Variants in ATF7IP observed in about 807,000 individuals in gnomAD.
The protein encoded by ATF7IP is activating transcription factor 7-interacting protein 1.
In ATF7IP, 23 loss-of-function variants were observed where a neutral mutation model predicts 106.4. That is an observed-to-expected ratio of 0.22 (90% CI 0.16 to 0.31). The LOEUF (loss-of-function observed/expected upper bound fraction) is 0.31. ATF7IP is among the 10% of genes least tolerant of loss of function. The probability of loss-of-function intolerance (pLI) is 1.00; values close to 1 mark genes in which losing one functional copy is unlikely to be tolerated. For missense variants in ATF7IP, 1,334 were observed against 1,524.3 expected, an observed-to-expected ratio of 0.88 and a Z score of 2.08; for synonymous variants, 542 against 539.0, an observed-to-expected ratio of 1.01 and a Z score of -0.08.
chr12:14,457,911 A>G (rs1943491223), intron 8 of ATF7IP, among the ~76,000 whole-genome samples: 1 of 152,038 alleles, frequency 6.6e-6, no homozygotes, highest in Non-Finnish European at 1.5e-5. Context: ...CCTGTCCAAC[A>G]TGGTGAAACC....
intron 1 of ATF7IP, among the ~76,000 whole-genome samples, chr12:14,375,904 A>G (rs1161045839): frequency 6.6e-6 from 1 of 152,228 alleles, no homozygotes; most frequent in African/African-American, 2.4e-5. Context: ...TTCTGGAGCT[A>G]GAATGTAAAT....
intron 6 of ATF7IP, among the ~76,000 whole-genome samples, chr12:14,451,778 G>A (rs1354215844): frequency 2.6e-5 from 4 of 152,044 alleles, no homozygotes; most frequent in East Asian, 1.9e-4. Flanking sequence ...TGTGACATGC[G>A]ACCTATCCAT....
At chr12:14,453,203 G>T (rs1293293326) in intron 6 of ATF7IP, among the ~76,000 whole-genome samples, 1 of 151,154 alleles carries the variant, frequency 6.6e-6, no homozygotes, top group African/African-American at 2.4e-5. Context: ...GTTAACAATA[G>T]TTGGAGGTCT....
At chr12:14,473,759 G>T (rs999798026) in intron 10 of ATF7IP, among the ~76,000 whole-genome samples, 4 of 148,790 alleles carry the variant, frequency 2.7e-5, no homozygotes, top group South Asian at 4.2e-4. Context: ...TGTATCTTTT[G>T]TCTCCTTTTT....
chr12:14,439,588 T>C (rs768820351), intron 5 of ATF7IP, among the ~76,000 whole-genome samples: 9 of 152,174 alleles, frequency 5.9e-5, no homozygotes, highest in African/African-American at 1.7e-4. Context: ...CTCAGCACTT[T>C]AGGAGGCTGA....
rs535830368 is a variant in ATF7IP at position 14,416,924 on chromosome 12, A to G, written c.-7-6985A>G. Reference sequence around the variant, plus strand: ...TGGGGAGATTATATAAACTAAGAGTATGGCTGCAGCAAGCTCCCTCTTGGG... The same window carrying G: ...TGGGGAGATTATATAAACTAAGAGTGTGGCTGCAGCAAGCTCCCTCTTGGG... On this transcript the variant is annotated intron_variant, in intron 1 of 14. Coordinates refer to ENST00000261168, the MANE Select transcript of ATF7IP (RefSeq NM_018179.5). 2.9e-5 allele frequency: 29 copies of G among 985,278 alleles called. No homozygotes were observed. In the African/African-American group the frequency reaches 4.9e-4, roughly 17 times the overall value. The allele number at this position is 985,278 out of a possible 1,614,324, so 61.0% of individuals were successfully genotyped here.
At chr12:14,494,689 A>G (rs906013749) in intron 13 of ATF7IP, among the ~76,000 whole-genome samples, 3 of 151,212 alleles carry the variant, frequency 2.0e-5, no homozygotes, top group Non-Finnish European at 4.4e-5. Flanking sequence ...TCCCAGCAGT[A>G]TGGGAGGCCA....
In ATF7IP at chr12:14,425,178, G is replaced by C. The variant is rs746353093; in HGVS notation, c.1263G>C (p.Glu421Asp). ...NENVIEDNKS[E>D]NILENTDSME... ...ATGTTATTGAAGATAACAAAAGTGA[G>C]AATATCTTAGAAAATACAGACTCTA... Residue 421 changes from glutamate (E) to aspartate (D), a missense_variant, in exon 2 of 15, where the codon GAG (glutamate) becomes GAC (aspartate). Around this residue, in one of 10 missense-constraint regions of ATF7IP, gnomAD observed 438 missense variants for 405.3 expected, o/e 1.08. Transcript: ENST00000261168. 1.3e-6 allele frequency: 2 copies of C among 1,595,532 alleles called. No homozygotes were observed. The highest frequency in any genetic ancestry group is 2.3e-5 in the South Asian group (2 of 86,894).
chr12:14,457,377 T>G, intron 8 of ATF7IP, 82 bp downstream of exon 8: 2 of 1,051,058 alleles, frequency 1.9e-6, no homozygotes, highest in Non-Finnish European at 2.7e-6. Flanking sequence ...CTTTTGAGGT[T>G]GAAATGGATT....
Position 14,496,231 on chromosome 12 carries a change from G to C in ATF7IP, c.3281G>C (p.Ser1094Thr), listed in dbSNP as rs770763118. ...PAVRQVNPQN[S>T]VTVRVPQTTT... is the part of the protein sequence containing the mutation. ...CTGTAATTTTTTTGTTTGTTTGTAGGTGTTACAGTTCGAGTGCCTCAAACA... is the reference window on the plus strand; with the variant it reads ...CTGTAATTTTTTTGTTTGTTTGTAGCTGTTACAGTTCGAGTGCCTCAAACA... Residue 1094 changes from serine to threonine, a missense_variant and splice_region_variant, in exon 14 of 15, where the codon AGT becomes ACT. Around this residue, in one of 10 missense-constraint regions of ATF7IP, gnomAD observed 370 missense variants for 401.2 expected, o/e 0.92. Transcript: ENST00000261168. 19 of 1,596,204 alleles carry C rather than the reference G, an allele frequency of 1.2e-5. No homozygotes were observed. Among genetic ancestry groups the C allele is most frequent in the Non-Finnish European group, 1.5e-5 (18 of 1,164,972 alleles).
In ATF7IP at chr12:14,500,544, A is replaced by G. The variant is rs1397027104; in HGVS notation, c.*2471A>G. 6.6e-6 allele frequency: 1 copy of G among 152,140 alleles called. No individual in the cohort carries two copies. The allele number at this position is 152,140 out of a possible 1,614,324, so 9.4% of individuals were successfully genotyped here. A position where few individuals can be genotyped will look rare whatever the true frequency, so the allele number is the denominator to read the frequency against. On this transcript the variant is annotated 3_prime_UTR_variant, in exon 15 of 15. Coordinates refer to ENST00000261168, the MANE Select transcript of ATF7IP (RefSeq NM_018179.5). ...TGAACACCTGTCTATATCTGCATGT[A>G]TATGTTTTGACCTGCAGTGGTTGCA...
At position 14,498,124 on chromosome 12, in the gene ATF7IP, T is replaced by C; in HGVS notation, c.*51T>C. The C allele has an allele frequency of 7.3e-6, 11 of 1,500,778 alleles. No individual in the cohort carries two copies. Among genetic ancestry groups the C allele is most frequent in the Non-Finnish European group, 9.8e-6 (11 of 1,119,980 alleles). 93.0% of individuals were successfully genotyped at this position (1,500,778 alleles called of 1,614,324 possible). On this transcript the variant is annotated 3_prime_UTR_variant, in exon 15 of 15. Coordinates refer to ENST00000261168, the MANE Select transcript of ATF7IP (RefSeq NM_018179.5). Reference sequence around the variant, plus strand: ...TTTTAAAATTTCCACCTTTTGGTCTTGTTTTTAATCTTGTGCATGATACCC... The same window carrying C: ...TTTTAAAATTTCCACCTTTTGGTCTCGTTTTTAATCTTGTGCATGATACCC...
At chr12:14,443,646 T>C (rs550982326) in intron 5 of ATF7IP, among the ~76,000 whole-genome samples, 1 of 152,330 alleles carries the variant, frequency 6.6e-6, no homozygotes, top group Non-Finnish European at 1.5e-5. Flanking sequence ...ATTGGAAATA[T>C]TTCTACCAAA....
At chr12:14,389,928 T>G (rs1197988604) in intron 1 of ATF7IP, among the ~76,000 whole-genome samples, 1 of 152,230 alleles carries the variant, frequency 6.6e-6, no homozygotes, top group East Asian at 1.9e-4. Flanking sequence ...CCAGCCCCAT[T>G]TCTCTAATTG....
chr12:14,378,173 C>T (rs1248117271), intron 1 of ATF7IP, among the ~76,000 whole-genome samples: 3 of 150,414 alleles, frequency 2.0e-5, no homozygotes, highest in Non-Finnish European at 4.4e-5. Context: ...TCTTGGCTCA[C>T]TGCAACCTCT....
At chr12:14,473,290 CTGTGTGTG>C (rs869266316) in intron 10 of ATF7IP, among the ~76,000 whole-genome samples, 10 of 130,032 alleles carry the variant, frequency 7.7e-5, no homozygotes, top group Non-Finnish European at 1.3e-4. Flanking sequence ...CTCTCTCTCT[CTGTGTGTG>C]TGTGTGTGTG....
intron 5 of ATF7IP, among the ~76,000 whole-genome samples, chr12:14,442,904 G>A (rs1368219646): frequency 1.3e-5 from 2 of 151,978 alleles, no homozygotes; most frequent in African/African-American, 4.8e-5. Context: ...CTTGTAATCC[G>A]AGCACTTTGG....
At chr12:14,431,429 C>G (rs2136591853) in intron 2 of ATF7IP, among the ~76,000 whole-genome samples, 1 of 150,430 alleles carries the variant, frequency 6.6e-6, no homozygotes, top group South Asian at 2.1e-4. Context: ...GCGTCTCGCT[C>G]TGTCACCCAG....
intron 9 of ATF7IP, chr12:14,466,157 T>C (rs1422172624): frequency 6.1e-6 from 1 of 164,460 alleles, no homozygotes; most frequent in Non-Finnish European, 1.3e-5. Context: ...TTGGGAACAT[T>C]TTTGACATAC....
Sources: gnomAD v4.1 joint callset for allele counts (sites outside exome capture counted in the v4.1 genomes callset) on GRCh38, gnomAD v4.1.1 for gene constraint, gnomAD v4.1.1 regional missense constraint, MANE v1.5 for transcripts, NCBI Gene and HGNC (gene_info 2026-07-23, HGNC 2026-07-21) for gene names.